DIAPH2: variants seen among roughly 807,000 people sequenced by gnomAD.
The protein encoded by DIAPH2 is diaphanous related formin 2.
In DIAPH2, 35 loss-of-function variants were observed where a neutral mutation model predicts 92.7. The ratio of observed to expected loss-of-function variants is 0.38; its 90% CI spans 0.29 to 0.50. The LOEUF is 0.50. Ranked by LOEUF, DIAPH2 falls within the 20% of genes least tolerant of loss-of-function variation. The pLI, the probability that DIAPH2 is intolerant of heterozygous loss-of-function variation, is 0.94. For synonymous variants in DIAPH2, 301 were observed against 280.4 expected, an observed-to-expected ratio of 1.07 and a Z score of -0.73; for missense variants, 701 against 819.5, an observed-to-expected ratio of 0.86 and a Z score of 1.77.
intron 25 of DIAPH2, among the ~76,000 whole-genome samples, chrX:97,412,013 A>G (rs945841420): frequency 1.8e-5 from 2 of 111,397 alleles, no homozygotes; most frequent in African/African-American, 6.5e-5. Context: ...AGGTTAACAA[A>G]GATATCCAGG....
chrX:96,780,084 G>A (rs1668528098), intron 4 of DIAPH2, among the ~76,000 whole-genome samples: 1 of 112,017 alleles, frequency 8.9e-6, no homozygotes, highest in Admixed American at 9.5e-5. Flanking sequence ...GTTAAGATTT[G>A]TAGATACTTA....
rs774993003 is a variant in DIAPH2, at chrX:97,275,311, G to A, written c.2844+27472G>A. The stretch of plus-strand genomic sequence containing the variant: ...CCCTCCCGGGAGGGGCGGCTGGCCC[G>A]GCGGGGGCTGTCCCCCCGCCCACCT... On this transcript the variant is annotated intron_variant, in intron 23 of 26. Coordinates refer to ENST00000324765, the MANE Select transcript of DIAPH2 (RefSeq NM_006729.5). 2.6e-4 allele frequency among the ~76,000 whole-genome samples: 6 copies of A among 22,840 alleles called. No individual in the cohort carries two copies. In the South Asian group the frequency reaches 0.017, roughly 63 times the overall value. The allele number at this position is 22,840 out of a possible 115,157, so 19.8% of individuals were successfully genotyped here.
intron 17 of DIAPH2, among the ~76,000 whole-genome samples, chrX:97,015,915 C>T (rs1034467399): frequency 8.2e-5 from 9 of 110,276 alleles, no homozygotes; most frequent in Non-Finnish European, 1.5e-4. Context: ...TTGATCAATT[C>T]CTCTATGCTT....
intron 26 of DIAPH2, among the ~76,000 whole-genome samples, chrX:97,560,934 C>T (rs145612956): frequency 0.012 from 1,391 of 112,520 alleles, 17 homozygotes; most frequent in African/African-American, 0.042. Context: ...CTAACCATGA[C>T]ATGTACTTCA....
intron 26 of DIAPH2, among the ~76,000 whole-genome samples, chrX:97,480,291 A>G (rs184041376): frequency 2.7e-5 from 3 of 111,989 alleles, no homozygotes; most frequent in African/African-American, 9.7e-5. Flanking sequence ...AATCCCAAGG[A>G]TTGATGGCTA....
chrX:96,756,037 A>T (rs888981801), intron 3 of DIAPH2, among the ~76,000 whole-genome samples: 42 of 110,555 alleles, frequency 3.8e-4, no homozygotes, highest in Non-Finnish European at 7.4e-4. Flanking sequence ...GTAATTTTTT[A>T]AAAGTTTTTA....
chrX:97,484,574 C>T (rs140965994), intron 26 of DIAPH2, among the ~76,000 whole-genome samples: 162 of 111,992 alleles, frequency 1.4e-3, no homozygotes, highest in African/African-American at 4.2e-3. Flanking sequence ...TTAACATAGA[C>T]GGTACTTTTC....
chrX:96,733,236 C>T (rs999793813), intron 1 of DIAPH2, among the ~76,000 whole-genome samples: 5 of 111,832 alleles, frequency 4.5e-5, no homozygotes, highest in South Asian at 3.8e-4. Flanking sequence ...TATGTTAGAA[C>T]GTGCTAAATC....
chrX:97,434,991 T>G (rs947084815), intron 26 of DIAPH2, among the ~76,000 whole-genome samples: 1 of 110,822 alleles, frequency 9.0e-6, no homozygotes, highest in Non-Finnish European at 1.9e-5. Flanking sequence ...TAAAAGAAGA[T>G]AGACAAGGAG....
intron 25 of DIAPH2, among the ~76,000 whole-genome samples, chrX:97,392,916 C>T (rs1485190057): frequency 9.0e-6 from 1 of 111,335 alleles, no homozygotes; most frequent in Non-Finnish European, 1.9e-5. Context: ...AATGTTCAGT[C>T]AGTATTTTCT....
Position 97,072,955 on chromosome X carries a change from G to A in DIAPH2, c.2065G>A (p.Glu689Lys). The A allele has an allele frequency of 8.4e-7, 1 of 1,195,185 alleles. No homozygotes were observed. Among genetic ancestry groups the A allele is most frequent in the Non-Finnish European group, 1.1e-6 (1 of 888,882 alleles). ...TTTTCTTTCAGTTCAAAAGAACGCA[G>A]AAGCATTAGAAGAAAAGAAGACTGG... ...ATQIKVQKNA[E>K]ALEEKKTGPT... The change falls in exon 18 of 27, where the codon GAA becomes AAA. Residue 689 changes from glutamate (E) to lysine (K), a missense_variant. Physicochemically the swap from Glu to Lys is moderately conservative, Grantham distance 56. Coordinates refer to ENST00000324765, the MANE Select transcript of DIAPH2 (RefSeq NM_006729.5).
At chrX:97,015,145 G>T (rs2066251785) in intron 17 of DIAPH2, among the ~76,000 whole-genome samples, 1 of 111,640 alleles carries the variant, frequency 9.0e-6, no homozygotes, top group Admixed American at 9.5e-5. Context: ...AAGTAGCATT[G>T]TTTAAATCTA....
intron 26 of DIAPH2, among the ~76,000 whole-genome samples, chrX:97,594,551 T>G (rs925343711): frequency 8.9e-6 from 1 of 112,701 alleles, no homozygotes; most frequent in African/African-American, 3.2e-5. Context: ...TTTTCTTGGT[T>G]TCCTTAGCCT....
intron 10 of DIAPH2, among the ~76,000 whole-genome samples, chrX:96,933,555 T>C (rs1189183706): frequency 9.6e-6 from 1 of 104,460 alleles, no homozygotes; most frequent in African/African-American, 3.5e-5. Flanking sequence ...TATATATGTG[T>C]GTGTGTATAT....
At chrX:97,589,355 C>CATAG (rs749888653) in intron 26 of DIAPH2, among the ~76,000 whole-genome samples, 1 of 100,166 alleles carries the variant, frequency 1.0e-5, no homozygotes, top group African/African-American at 3.6e-5. Context: ...TCCCACCATT[C>CATAG]ATAGATAGCC....
At chrX:97,344,978 G>T (rs1387855931) in intron 23 of DIAPH2, among the ~76,000 whole-genome samples, 2 of 112,119 alleles carry the variant, frequency 1.8e-5, no homozygotes, top group African/African-American at 6.5e-5. Context: ...TCCCTGGAAT[G>T]AATCTGTTTT....
rs1256170706 is a variant in DIAPH2, at chrX:96,876,644, G to A, written c.448-4935G>A. 2.7e-5 allele frequency among the ~76,000 whole-genome samples: 3 copies of A among 110,413 alleles called. No homozygotes were observed. In the Admixed American group the frequency reaches 2.9e-4, roughly 11 times the overall value. ...ATGAAGCTGGAAGCCATCATTCTCAGCAAACTATGGCAAGAACAAAAAACC... is the reference window on the plus strand; with the variant it reads ...ATGAAGCTGGAAGCCATCATTCTCAACAAACTATGGCAAGAACAAAAAACC... On this transcript the variant is annotated intron_variant, in intron 4 of 26. Transcript: ENST00000324765.
intron 26 of DIAPH2, among the ~76,000 whole-genome samples, chrX:97,543,849 G>C (rs2071159803): frequency 9.0e-6 from 1 of 110,803 alleles, no homozygotes. Context: ...AGTGCTCCCG[G>C]TACAGCCTCT....
At chrX:97,296,098 C>G (rs2068641027) in intron 23 of DIAPH2, among the ~76,000 whole-genome samples, 2 of 111,354 alleles carry the variant, frequency 1.8e-5, no homozygotes, top group Non-Finnish European at 3.8e-5. Flanking sequence ...TTGGCACAAG[C>G]TCTCATTACT....
Sources: allele counts gnomAD v4.1 joint callset (sites outside exome capture counted in the v4.1 genomes callset), GRCh38; gene constraint gnomAD v4.1.1; transcripts MANE v1.5; gene names NCBI Gene and HGNC (gene_info 2026-07-23, HGNC 2026-07-21).